Variants in TNFRSF19 observed in about 807,000 individuals in gnomAD.
TNFRSF19 encodes the protein tumor necrosis factor receptor superfamily member 19.
A neutral mutation model predicts 46.4 loss-of-function variants in TNFRSF19; 27 were observed. The observed-to-expected ratio is 0.58, with a 90% CI of 0.43 to 0.80. The LOEUF is 0.80. Ranked by LOEUF, TNFRSF19 falls within the 30% of genes least tolerant of loss-of-function variation. The pLI, the probability that TNFRSF19 is intolerant of heterozygous loss-of-function variation, is 0.00. For synonymous variants in TNFRSF19, 204 were observed against 205.0 expected (o/e 1.00, Z 0.04); for missense variants, 511 against 530.8 (o/e 0.96, Z 0.37).
chr13:23,570,965 G>A (rs1263207982), intron 1 of TNFRSF19, 117 bp downstream of exon 1: 1 of 152,162 alleles, frequency 6.6e-6, no homozygotes, highest in Non-Finnish European at 1.5e-5. Context: ...TAATTTTTTA[G>A]AAAGCATTTA....
intron 1 of TNFRSF19, among the ~76,000 whole-genome samples, chr13:23,586,519 G>A (rs757560500): frequency 3.9e-5 from 6 of 152,210 alleles, no homozygotes; most frequent in Admixed American, 6.5e-5. Flanking sequence ...GGTCCGCCCA[G>A]CCAATCAGAG....
chr13:23,614,094 G>T (rs928040), intron 3 of TNFRSF19, among the ~76,000 whole-genome samples: 21,802 of 151,832 alleles, frequency 0.14, 1,879 homozygotes, highest in East Asian at 0.24. Flanking sequence ...AGTGTTGTTT[G>T]TCTCCCCCCT....
chr13:23,647,692 C>T (rs2138355736), intron 5 of TNFRSF19, among the ~76,000 whole-genome samples: 1 of 152,282 alleles, frequency 6.6e-6, no homozygotes, highest in South Asian at 2.1e-4. Flanking sequence ...TGCCCAGCCT[C>T]TTCTAAGAAT....
At chr13:23,663,161 G>C (rs951695079) in intron 7 of TNFRSF19, among the ~76,000 whole-genome samples, 1 of 152,146 alleles carries the variant, frequency 6.6e-6, no homozygotes, top group Admixed American at 6.5e-5. Context: ...GTTTGTCATA[G>C]ATTGCTCTTA....
chr13:23,589,125 A>C (rs1879068084), intron 1 of TNFRSF19, among the ~76,000 whole-genome samples: 1 of 151,996 alleles, frequency 6.6e-6, no homozygotes, highest in South Asian at 2.1e-4. Context: ...GGGATCTGTT[A>C]GTTTTGGAAA....
At chr13:23,652,584 TC>T (rs1307446983) in intron 5 of TNFRSF19, among the ~76,000 whole-genome samples, 2 of 152,204 alleles carry the variant, frequency 1.3e-5, no homozygotes, top group Non-Finnish European at 2.9e-5. Context: ...TTGATATATA[TC>T]TGAGCCACCC....
At position 23,618,046 on chromosome 13, in the gene TNFRSF19, G is replaced by T. The variant is rs570785103; in HGVS notation, c.359+2001G>T. Among the ~76,000 whole-genome samples the T allele has an allele frequency of 3.7e-4, 57 of 152,312 alleles. 1 individual carries two copies. Among genetic ancestry groups the T allele is most frequent in the African/African-American group, 1.3e-3 (55 of 41,564 alleles). ...TAGAAAATAGACTAGTGGGTCCCAC[G>T]TGGTCATATACAGAGACCCAGCACC... On this transcript the variant is annotated intron_variant, in intron 4 of 9. Coordinates refer to ENST00000248484, the MANE Select transcript of TNFRSF19 (RefSeq NM_148957.4).
At chr13:23,632,710 C>G (rs1882426417) in intron 5 of TNFRSF19, among the ~76,000 whole-genome samples, 1 of 152,228 alleles carries the variant, frequency 6.6e-6, no homozygotes, top group Non-Finnish European at 1.5e-5. Context: ...GGTCTCCCCA[C>G]AGAGTCCCAG....
intron 1 of TNFRSF19, among the ~76,000 whole-genome samples, chr13:23,589,528 T>C (rs1471775995): frequency 6.6e-6 from 1 of 152,218 alleles, no homozygotes; most frequent in Non-Finnish European, 1.5e-5. Flanking sequence ...ACATTGTCTG[T>C]CAGGGCGTAT....
chr13:23,654,729 G>T (rs1258288580), intron 5 of TNFRSF19, among the ~76,000 whole-genome samples: 1 of 152,210 alleles, frequency 6.6e-6, no homozygotes, highest in Non-Finnish European at 1.5e-5. Context: ...GGCTCAGAAG[G>T]CCTGAATCCA....
intron 2 of TNFRSF19, among the ~76,000 whole-genome samples, chr13:23,590,615 A>G (rs1347758999): frequency 2.6e-5 from 4 of 152,334 alleles, no homozygotes; most frequent in African/African-American, 9.6e-5. Context: ...GATTACAGGC[A>G]TGAGCCACCA....
At chr13:23,617,267 A>C (rs1881365802) in intron 4 of TNFRSF19, among the ~76,000 whole-genome samples, 1 of 152,104 alleles carries the variant, frequency 6.6e-6, no homozygotes, top group Admixed American at 6.5e-5. Context: ...GAGCAGAGGA[A>C]GGGGTGGGCA....
intron 4 of TNFRSF19, among the ~76,000 whole-genome samples, chr13:23,617,229 G>A (rs185188729): frequency 1.3e-5 from 2 of 152,264 alleles, no homozygotes; most frequent in East Asian, 3.9e-4. Flanking sequence ...GCAGAGAGAG[G>A]GAGGCGTGCA....
intron 5 of TNFRSF19, among the ~76,000 whole-genome samples, chr13:23,645,445 T>C (rs1408162305): frequency 6.6e-6 from 1 of 152,166 alleles, no homozygotes; most frequent in Non-Finnish European, 1.5e-5. Flanking sequence ...CAAGTGATCT[T>C]ACCGCCTTGG....
intron 5 of TNFRSF19, 142 bp downstream of exon 5, chr13:23,626,934 T>C: frequency 1.4e-6 from 1 of 713,284 alleles, no homozygotes; most frequent in East Asian, 2.8e-5. Context: ...TTAATCAGGC[T>C]TCTGGCAGGA....
intron 4 of TNFRSF19, among the ~76,000 whole-genome samples, chr13:23,618,401 C>T (rs1719086943): frequency 6.6e-6 from 1 of 152,052 alleles, no homozygotes; most frequent in African/African-American, 2.4e-5. Flanking sequence ...GAAAAGTTGC[C>T]CAACATCATT....
chr13:23,653,602 C>G (rs899799519), intron 5 of TNFRSF19, among the ~76,000 whole-genome samples: 6 of 152,038 alleles, frequency 3.9e-5, no homozygotes, highest in African/African-American at 1.2e-4. Context: ...GCATTGTGGA[C>G]AGAGGCACTG....
chr13:23,599,768 TGAAA>T (rs1211004269), intron 3 of TNFRSF19, among the ~76,000 whole-genome samples: 1 of 152,106 alleles, frequency 6.6e-6, no homozygotes, highest in Non-Finnish European at 1.5e-5. Context: ...CTTATCAGAC[TGAAA>T]GAGTCTGTTC....
rs9580695 is a variant in TNFRSF19, at chr13:23,587,508, C to T, written c.-34-2642C>T. Among the ~76,000 whole-genome samples the T allele has an allele frequency of 5.8e-3, 882 of 152,244 alleles. 12 individuals carry two copies. Among genetic ancestry groups the T allele is most frequent in the African/African-American group, 0.02 (812 of 41,542 alleles). ...TGCCTCCTTTCAGGCACCTAATGAC[C>T]GTTTAACCAATGTTTGTTGAATAAA... On this transcript the variant is annotated intron_variant, in intron 1 of 9. Coordinates refer to ENST00000248484, the MANE Select transcript of TNFRSF19 (RefSeq NM_148957.4).
Sources: allele counts gnomAD v4.1 joint callset (sites outside exome capture counted in the v4.1 genomes callset), GRCh38; gene constraint gnomAD v4.1.1; transcripts MANE v1.5; gene names NCBI Gene and HGNC (gene_info 2026-07-23, HGNC 2026-07-21).